The following RPH3AL variants were observed in gnomAD, a reference collection of about 807,000 sequenced individuals.
RPH3AL encodes rabphilin 3A like (without C2 domains), also known as rab effector Noc2.
A neutral mutation model predicts 43.1 loss-of-function variants in RPH3AL; 38 were observed. The observed-to-expected ratio is 0.88, with a 90% confidence interval of 0.68 to 1.15. RPH3AL has a LOEUF of 1.15. RPH3AL is among the 50% of genes most tolerant of loss of function. The probability of loss-of-function intolerance (pLI) is 0.00; values close to 1 mark genes in which losing one functional copy is unlikely to be tolerated. For synonymous variants in RPH3AL, 189 were observed against 176.3 expected (o/e 1.07, Z -0.57); for missense variants, 462 against 423.2 (o/e 1.09, Z -0.81).
intron 6 of RPH3AL, among the ~76,000 whole-genome samples, chr17:272,932 A>ATCAGGGAGAGACCCCAGCAAGGGCTACG (rs1567604175): frequency 4.6e-4 from 59 of 128,118 alleles, no homozygotes; most frequent in African/African-American, 1.9e-3. Context: ...CAAGGGCGAC[A>ATCAGGGAGAGACCCCAGCAAGGGCTACG]TCAGGGAGAG....
At chr17:262,435 T>C (rs573333177) in intron 6 of RPH3AL, among the ~76,000 whole-genome samples, 33 of 152,232 alleles carry the variant, frequency 2.2e-4, no homozygotes, top group Non-Finnish European at 4.4e-4. Flanking sequence ...GGGCTGGTCT[T>C]GAACTGCTGA....
chr17:251,415 T>C (rs1269902687), intron 6 of RPH3AL, among the ~76,000 whole-genome samples: 3 of 152,216 alleles, frequency 2.0e-5, no homozygotes, highest in African/African-American at 7.2e-5. Context: ...GTGGGGAAAC[T>C]GAGGCTCCAA....
intron 1 of RPH3AL, among the ~76,000 whole-genome samples, chr17:347,735 C>G (rs375496941): frequency 6.6e-6 from 1 of 152,118 alleles, no homozygotes; most frequent in Non-Finnish European, 1.5e-5. Context: ...ATTCAAGAAC[C>G]GGCACACTCA....
chr17:316,014 C>T (rs1555520088), intron 5 of RPH3AL, among the ~76,000 whole-genome samples: 1 of 152,102 alleles, frequency 6.6e-6, no homozygotes, highest in East Asian at 1.9e-4. Flanking sequence ...GACCTGTAGT[C>T]CCTGTGCCCC....
At chr17:315,648 C>CCCACCTCCATTGGCCTGTAGTCT (rs1224912295) in intron 5 of RPH3AL, among the ~76,000 whole-genome samples, 1 of 49,712 alleles carries the variant, frequency 2.0e-5, no homozygotes. Flanking sequence ...ACCTGTAGTC[C>CCCACCTCCATTGGCCTGTAGTCT]CTGTGCTCCA....
At chr17:331,681 C>T (rs1287763618) in intron 2 of RPH3AL, 25 of 1,287,948 alleles carry the variant, frequency 1.9e-5, no homozygotes, top group Non-Finnish European at 2.5e-5. Flanking sequence ...AGGAGGGCCT[C>T]ATCAGCCGAC....
chr17:312,914 G>T (rs1567504346), intron 5 of RPH3AL, among the ~76,000 whole-genome samples: 1 of 152,194 alleles, frequency 6.6e-6, no homozygotes, highest in Non-Finnish European at 1.5e-5. Context: ...CCAGGTGCTT[G>T]CAGGAACACG....
At chr17:273,712 C>T (rs530037634) in intron 6 of RPH3AL, among the ~76,000 whole-genome samples, 2 of 152,376 alleles carry the variant, frequency 1.3e-5, no homozygotes, top group South Asian at 2.1e-4. Flanking sequence ...ATTTCTCTTT[C>T]AATCCACAAA....
At chr17:320,907 C>T (rs567746583) in intron 4 of RPH3AL, among the ~76,000 whole-genome samples, 5 of 152,312 alleles carry the variant, frequency 3.3e-5, no homozygotes, top group East Asian at 3.9e-4. Context: ...CTTTCAGGGG[C>T]GACCTGTGGC....
chr17:308,775 C>G (rs72806057), intron 5 of RPH3AL, among the ~76,000 whole-genome samples: 62,652 of 152,042 alleles, frequency 0.41, 15,258 homozygotes, highest in East Asian at 0.65. Context: ...CCTCGGCCCA[C>G]ACTTTGAGTA....
intron 4 of RPH3AL, among the ~76,000 whole-genome samples, chr17:320,597 C>A (rs1302677313): frequency 6.6e-6 from 1 of 151,872 alleles, no homozygotes; most frequent in African/African-American, 2.4e-5. Context: ...TGTGATAGCA[C>A]CACTGCATTC....
intron 8 of RPH3AL, among the ~76,000 whole-genome samples, chr17:218,310 C>T: frequency 6.9e-6 from 1 of 145,982 alleles, no homozygotes; most frequent in Admixed American, 6.8e-5. Flanking sequence ...GAAATCAGGA[C>T]CCCCAAGGCA....
At chr17:331,784 C>G (rs1013767437) in intron 2 of RPH3AL, 20 of 1,289,024 alleles carry the variant, frequency 1.6e-5, no homozygotes, top group Admixed American at 2.3e-5. Context: ...AAAGTCTGAC[C>G]CTTCTCTCTT....
Position 268,287 on chromosome 17 carries a change from C to T in RPH3AL, c.438+13481G>A, listed in dbSNP as rs146774906. ...CCCTTCCTCCTCAGCCTACCCAACA[C>T]GAAGACGATGAGGATGAAGACCTTC... On this transcript the variant is annotated intron_variant, in intron 6 of 9. Coordinates refer to ENST00000331302, the MANE Select transcript of RPH3AL (RefSeq NM_006987.4). Among the ~76,000 whole-genome samples, 61 of 152,210 alleles carry T rather than the reference C, an allele frequency of 4.0e-4. No homozygotes were observed. In the East Asian group the frequency reaches 9.3e-3, roughly 23 times the overall value.
Position 283,689 on chromosome 17 carries a change from T to C in RPH3AL, c.352-1835A>G, listed in dbSNP as rs1294307724. Among the ~76,000 whole-genome samples the C allele has an allele frequency of 6.6e-6, 1 of 152,132 alleles. No individual in the cohort carries two copies. The highest frequency in any genetic ancestry group is 1.5e-5 in the Non-Finnish European group (1 of 68,010). ...GAGAGGGAGTGGGAGCATGTGGTCA[T>C]ATCTGTGCCAGTCCTGGGTTTGGGA... On this transcript the variant is annotated intron_variant, in intron 5 of 9. Coordinates refer to ENST00000331302, the MANE Select transcript of RPH3AL (RefSeq NM_006987.4). The surrounding 1 kb of genome is among the most constrained non-coding windows in gnomAD (Gnocchi z 4.2).
In RPH3AL at chr17:256,195, C is replaced by T. The variant is rs370406827; in HGVS notation, c.439-8910G>A. Among the ~76,000 whole-genome samples the T allele has an allele frequency of 3.1e-3, 186 of 59,480 alleles. 1 individual carries two copies. Among genetic ancestry groups the T allele is most frequent in the Non-Finnish European group, 4.0e-3 (88 of 22,078 alleles). The allele number at this position is 59,480 out of a possible 152,430, so 39.0% of individuals were successfully genotyped here. On this transcript the variant is annotated intron_variant, in intron 6 of 9. Coordinates refer to ENST00000331302, the MANE Select transcript of RPH3AL (RefSeq NM_006987.4). ...ACTTCCTATGAGGGGAGCTGCACGG[C>T]GTCTGTCCTTTTCCGTCCCTAGGAA...
intron 1 of RPH3AL, among the ~76,000 whole-genome samples, chr17:350,587 T>C (rs1300562426): frequency 1.3e-5 from 2 of 152,038 alleles, no homozygotes; most frequent in Non-Finnish European, 2.9e-5. Flanking sequence ...CTCTAGCTGG[T>C]GACAGAGCAA....
chr17:347,029 C>T lies in RPH3AL; in HGVS notation c.-213+5683G>A, dbSNP rs1043162205. The stretch of plus-strand genomic sequence containing the variant: ...ATCCCAGCACTTTGGGAGGCCGAGG[C>T]GGGAGGATCACGAGGTCAGGAGATC... On this transcript the variant is annotated intron_variant, in intron 1 of 9. Transcript: ENST00000331302. Among the ~76,000 whole-genome samples the T allele has an allele frequency of 8.9e-5, 12 of 134,834 alleles. 4 individuals carry two copies. The highest frequency in any genetic ancestry group is 3.4e-5 in the Non-Finnish European group (2 of 59,190). The allele number at this position is 134,834 out of a possible 152,430, so 88.5% of individuals were successfully genotyped here.
chr17:306,222 C>T (rs908264457), intron 5 of RPH3AL, among the ~76,000 whole-genome samples: 77 of 151,908 alleles, frequency 5.1e-4, no homozygotes, highest in African/African-American at 1.8e-3. Flanking sequence ...AACACATACC[C>T]AGCCCCCCTG....
Sources: gnomAD v4.1 joint callset for allele counts (sites outside exome capture counted in the v4.1 genomes callset) on GRCh38, gnomAD v4.1.1 for gene constraint, Gnocchi (gnomAD v3.1) non-coding constraint, MANE v1.5 for transcripts, NCBI Gene and HGNC (gene_info 2026-07-23, HGNC 2026-07-21) for gene names.